JARID2: variants seen among roughly 807,000 people sequenced by gnomAD.
JARID2 encodes the protein jumonji and AT-rich interaction domain containing 2, also known as protein Jumonji.
JARID2 carries 21 observed loss-of-function variants against 125.6 expected under a neutral mutation model. That is an observed-to-expected ratio of 0.17 (90% CI 0.12 to 0.24). The LOEUF (loss-of-function observed/expected upper bound fraction) is 0.24. Among genes scored for constraint, JARID2 ranks in the 10% least tolerant of loss-of-function variants. The pLI, the probability that JARID2 is intolerant of heterozygous loss-of-function variation, is 1.00. For synonymous variants in JARID2, 736 were observed against 661.6 expected, an observed-to-expected ratio of 1.11 and a Z score of -1.73; for missense variants, 1,303 against 1,639.6, an observed-to-expected ratio of 0.79 and a Z score of 3.55.
intron 1 of JARID2, among the ~76,000 whole-genome samples, chr6:15,291,604 C>G (rs1478018094): frequency 6.6e-6 from 1 of 152,192 alleles, no homozygotes; most frequent in East Asian, 1.9e-4. Flanking sequence ...TCGCTGCATT[C>G]AGGAGCAGTG....
chr6:15,387,833 G>A (rs1205323720), intron 2 of JARID2, among the ~76,000 whole-genome samples: 6 of 152,134 alleles, frequency 3.9e-5, no homozygotes, highest in Admixed American at 3.9e-4. Flanking sequence ...TGTTTCTGTT[G>A]TCATAGATTA....
intron 1 of JARID2, among the ~76,000 whole-genome samples, chr6:15,354,588 A>G (rs1232786492): frequency 2.0e-5 from 3 of 152,188 alleles, no homozygotes; most frequent in African/African-American, 4.8e-5. Flanking sequence ...TACACAGCAG[A>G]CATTCAAGCA....
chr6:15,375,200 C>G (rs1410700077), intron 2 of JARID2, among the ~76,000 whole-genome samples: 4 of 152,196 alleles, frequency 2.6e-5, no homozygotes, highest in Admixed American at 2.6e-4. Context: ...TTCACAGGCA[C>G]TAGTGCACAG....
chr6:15,328,526 G>A (rs1762605431), intron 1 of JARID2, among the ~76,000 whole-genome samples: 1 of 152,138 alleles, frequency 6.6e-6, no homozygotes, highest in East Asian at 1.9e-4. Context: ...TTAGATGTAT[G>A]GTGCTTAGAA....
chr6:15,329,772 G>A (rs1357927745), intron 1 of JARID2, among the ~76,000 whole-genome samples: 1 of 152,116 alleles, frequency 6.6e-6, no homozygotes. Flanking sequence ...TATTCTTGAG[G>A]GGAGGAAAAA....
At position 15,487,453 on chromosome 6, in the gene JARID2, G is replaced by T; in HGVS notation, c.817G>T (p.Ala273Ser). The T allele has an allele frequency of 6.2e-7, 1 of 1,614,204 alleles. No individual in the cohort carries two copies. The highest frequency in any genetic ancestry group is 8.5e-7 in the Non-Finnish European group (1 of 1,180,044). ...GGCTTCAGCTAACCACCCCGCAGCG[G>T]CCCCCTCCACGGGTTCCTCGGCCAA... is the stretch of plus-strand genomic sequence containing the variant. Reference protein sequence around the residue: ...EQASANHPAAAPSTGSSAKGL... With the variant: ...EQASANHPAASPSTGSSAKGL... Residue 273 changes from alanine to serine, a missense_variant, in exon 6 of 18, where the codon GCC becomes TCC. Ala to Ser is a moderately conservative substitution (Grantham distance 99, BLOSUM62 1). This residue lies in a region of JARID2 where 651 missense variants were observed against 581.6 expected (regional missense o/e 1.12). Coordinates refer to ENST00000341776, the MANE Select transcript of JARID2 (RefSeq NM_004973.4).
intron 1 of JARID2, among the ~76,000 whole-genome samples, chr6:15,347,992 G>C (rs1248426699): frequency 6.6e-6 from 1 of 152,112 alleles, no homozygotes; most frequent in African/African-American, 2.4e-5. Flanking sequence ...GGGCTCAAGA[G>C]GAAGCATCCA....
At chr6:15,488,355 G>A (rs566944691) in intron 6 of JARID2, among the ~76,000 whole-genome samples, 1 of 152,336 alleles carries the variant, frequency 6.6e-6, no homozygotes, top group Middle Eastern at 3.4e-3. Context: ...CCGGACAGGT[G>A]GCATTTCACT....
intron 1 of JARID2, among the ~76,000 whole-genome samples, chr6:15,268,958 C>T (rs182201304): frequency 1.3e-5 from 2 of 152,240 alleles, no homozygotes; most frequent in East Asian, 1.9e-4. Context: ...CAGGCGTGTG[C>T]GTGTGCCCAT....
chr6:15,279,780 C>T lies in JARID2; in HGVS notation c.45+33196C>T, dbSNP rs184860048. Among the ~76,000 whole-genome samples the T allele has an allele frequency of 3.5e-3, 532 of 152,352 alleles. 14 individuals carry two copies. Among genetic ancestry groups the T allele is most frequent in the Non-Finnish European group, 2.7e-3 (184 of 68,030 alleles). On this transcript the variant is annotated intron_variant, in intron 1 of 17. Transcript: ENST00000341776. ...ACAGTTACTTTCCTGCTCAGGTTCTCATTAGCCCCTATCGTCTATGGGATA... is the reference window on the plus strand; with the variant it reads ...ACAGTTACTTTCCTGCTCAGGTTCTTATTAGCCCCTATCGTCTATGGGATA...
At chr6:15,296,770 C>A (rs1761431978) in intron 1 of JARID2, among the ~76,000 whole-genome samples, 1 of 152,248 alleles carries the variant, frequency 6.6e-6, no homozygotes, top group South Asian at 2.1e-4. Context: ...TACTTCCTGA[C>A]AGACACATTA....
At position 15,248,219 on chromosome 6, in the gene JARID2, A is replaced by C. The variant is rs751923765; in HGVS notation, c.45+1635A>C. The stretch of plus-strand genomic sequence containing the variant: ...CCCGACGTCCTCGAGCCGGCTGCGA[A>C]AGGGACGGCCCGCGGGGGTCGCGGC... On this transcript the variant is annotated intron_variant, in intron 1 of 17. Coordinates refer to ENST00000341776, the MANE Select transcript of JARID2 (RefSeq NM_004973.4). 1.2e-3 allele frequency: 487 copies of C among 405,106 alleles called. 2 individuals are homozygous for C. Among genetic ancestry groups the C allele is most frequent in the Non-Finnish European group, 6.7e-4 (203 of 301,468 alleles). 25.1% of individuals were successfully genotyped at this position (405,106 alleles called of 1,614,324 possible). A position where few individuals can be genotyped will look rare whatever the true frequency, so the allele number is the denominator to read the frequency against.
intron 4 of JARID2, among the ~76,000 whole-genome samples, chr6:15,465,099 C>G (rs548602258): frequency 6.6e-6 from 1 of 152,104 alleles, no homozygotes; most frequent in Non-Finnish European, 1.5e-5. Context: ...TCGTATTTGC[C>G]GAGGAGCCAT....
chr6:15,434,239 A>T (rs1238994316), intron 3 of JARID2, among the ~76,000 whole-genome samples: 3 of 152,094 alleles, frequency 2.0e-5, no homozygotes, highest in Admixed American at 2.0e-4. Context: ...GATGCACAGA[A>T]TTCATGCTTC....
At chr6:15,358,784 ACG>A (rs766512051) in intron 1 of JARID2, among the ~76,000 whole-genome samples, 49 of 152,296 alleles carry the variant, frequency 3.2e-4, no homozygotes, top group Admixed American at 7.2e-4. Flanking sequence ...TAAGCTTTTA[ACG>A]CGTACCAGTC....
At chr6:15,468,745 G>A in intron 5 of JARID2, 27 bp downstream of exon 5, 1 of 1,591,158 alleles carries the variant, frequency 6.3e-7, no homozygotes, top group Admixed American at 1.8e-5. Context: ...ACTTGGATAA[G>A]AAAAAATCTA....
intron 1 of JARID2, among the ~76,000 whole-genome samples, chr6:15,332,166 A>G (rs1020718959): frequency 9.9e-5 from 15 of 152,228 alleles, no homozygotes; most frequent in African/African-American, 2.7e-4. Context: ...AAAAATTCCG[A>G]CAAAGAATTA....
intron 1 of JARID2, among the ~76,000 whole-genome samples, chr6:15,299,337 T>A (rs1172256977): frequency 6.6e-6 from 1 of 152,150 alleles, no homozygotes; most frequent in Non-Finnish European, 1.5e-5. Context: ...TTTAGGTGTG[T>A]GTACAACAGA....
intron 3 of JARID2, among the ~76,000 whole-genome samples, chr6:15,451,213 T>G (rs1356248473): frequency 2.6e-5 from 4 of 152,184 alleles, no homozygotes; most frequent in African/African-American, 9.7e-5. Context: ...AGAAAGGAAT[T>G]TCTACGTAAG....
Sources: allele counts gnomAD v4.1 joint callset (sites outside exome capture counted in the v4.1 genomes callset), GRCh38; gene constraint gnomAD v4.1.1; regional missense constraint gnomAD v4.1.1; transcripts MANE v1.5; gene names NCBI Gene and HGNC (gene_info 2026-07-23, HGNC 2026-07-21).